Variants in MTM1 observed in about 807,000 individuals in gnomAD.
The protein encoded by MTM1 is myotubularin.
In MTM1, 9 loss-of-function variants were observed where a neutral mutation model predicts 52.1. That is an observed-to-expected ratio of 0.17 (90% CI 0.10 to 0.30). The LOEUF (loss-of-function observed/expected upper bound fraction) is 0.30, where lower values mean the gene tolerates loss of function less well. Among genes scored for constraint, MTM1 ranks in the 10% least tolerant of loss-of-function variants. MTM1 has a pLI of 1.00. For missense variants in MTM1, 277 were observed against 470.7 expected (o/e 0.59, Z 3.81); for synonymous variants, 136 against 163.8 (o/e 0.83, Z 1.29).
Position 150,657,916 on chromosome X carries a change from T to C in MTM1, c.1149T>C (p.Ala383=), listed in dbSNP as rs1036379651. Residue 383 remains alanine, a synonymous_variant, in exon 11 of 15, where the codon GCT becomes GCC. Transcript: ENST00000370396. Reference sequence around the variant, plus strand: ...GCAGTGACGGATGGGACAGGACTGCTCAGCTGACATCCTTGGCCATGCTGA... The same window carrying C: ...GCAGTGACGGATGGGACAGGACTGCCCAGCTGACATCCTTGGCCATGCTGA... ...VHCSDGWDRT[A]QLTSLAMLML... 1.7e-6 allele frequency: 2 copies of C among 1,209,286 alleles called. No homozygotes were observed. The highest frequency in any genetic ancestry group is 2.2e-6 in the Non-Finnish European group (2 of 894,618).
chrX:150,615,738 T>C (rs1178490743), intron 5 of MTM1, among the ~76,000 whole-genome samples: 4 of 112,249 alleles, frequency 3.6e-5, no homozygotes, highest in Non-Finnish European at 7.5e-5. Flanking sequence ...CAATATGGTG[T>C]TTTTCTTTCC....
chrX:150,641,228 G>T (rs1366822733), intron 7 of MTM1, 41 bp from the exon 8 acceptor site: 3 of 1,203,933 alleles, frequency 2.5e-6, no homozygotes, highest in African/African-American at 3.5e-5. Context: ...CCAGAGATGA[G>T]GTCAAGCAAT....
At chrX:150,626,326 T>C (rs782808930) in intron 6 of MTM1, among the ~76,000 whole-genome samples, 2 of 112,013 alleles carry the variant, frequency 1.8e-5, no homozygotes, top group East Asian at 5.6e-4. Flanking sequence ...GTTGTTTTTG[T>C]TTTTTGAGAC....
chrX:150,631,600 T>C (rs1170785871), intron 6 of MTM1, among the ~76,000 whole-genome samples: 1 of 103,139 alleles, frequency 9.7e-6, no homozygotes, highest in Admixed American at 1.1e-4. Flanking sequence ...GAGGCAGAAT[T>C]TGTAGTGAGC....
intron 2 of MTM1, 113 bp downstream of exon 2, chrX:150,592,790 A>G (rs1346158878): frequency 3.8e-6 from 2 of 524,697 alleles, no homozygotes; most frequent in Admixed American, 2.7e-5. Context: ...ATTCATTCAC[A>G]TATAAATACA....
Position 150,658,408 on chromosome X carries a change from AG to A in MTM1, c.1260+382del, listed in dbSNP as rs1389286055. Among the ~76,000 whole-genome samples the A allele has an allele frequency of 2.7e-5, 3 of 111,740 alleles. No homozygotes were observed. In the East Asian group the frequency reaches 8.4e-4, roughly 31 times the overall value. ...TTTAAAAATCATCGAGAGATGAATA[AG>A]TTCAAAAGAGCTATTGTATAACATG... On this transcript the variant is annotated intron_variant, in intron 11 of 14. Coordinates refer to ENST00000370396, the MANE Select transcript of MTM1 (RefSeq NM_000252.3).
intron 3 of MTM1, 95 bp from the exon 4 acceptor site, chrX:150,598,497 T>C: frequency 1.9e-6 from 1 of 539,813 alleles, no homozygotes; most frequent in Non-Finnish European, 3.2e-6. Context: ...ATTGTAGTTA[T>C]TCTTAGCTGA....
At chrX:150,596,433 T>C in intron 2 of MTM1, 65 bp from the exon 3 acceptor site, 1 of 851,397 alleles carries the variant, frequency 1.2e-6, no homozygotes, top group Admixed American at 2.3e-5. Context: ...CTTGTATTCC[T>C]AGTTGCTTAA....
chrX:150,661,391 A>G (rs1415940120), intron 13 of MTM1, among the ~76,000 whole-genome samples: 1 of 111,740 alleles, frequency 8.9e-6, no homozygotes, highest in African/African-American at 3.3e-5. Context: ...GGTTCCCCCA[A>G]AAGTAAAAAT....
intron 5 of MTM1, 142 bp from the exon 6 acceptor site, chrX:150,618,896 A>G: frequency 1.9e-6 from 1 of 524,325 alleles, no homozygotes; most frequent in Non-Finnish European, 3.4e-6. Context: ...TTACCATATA[A>G]AACAAAGCAA....
intron 1 of MTM1, among the ~76,000 whole-genome samples, chrX:150,585,527 C>G (rs1387371786): frequency 8.9e-6 from 1 of 112,575 alleles, no homozygotes; most frequent in Non-Finnish European, 1.9e-5. Context: ...AAATAAGTTA[C>G]TGTTTACTTA....
intron 5 of MTM1, among the ~76,000 whole-genome samples, chrX:150,615,429 A>T (rs782466061): frequency 9.1e-6 from 1 of 109,729 alleles, no homozygotes; most frequent in African/African-American, 3.3e-5. Flanking sequence ...GGGCCACATC[A>T]GATTTCTGTT....
chrX:150,656,544 C>T (rs1557414420), intron 10 of MTM1, among the ~76,000 whole-genome samples: 1 of 112,035 alleles, frequency 8.9e-6, no homozygotes, highest in African/African-American at 3.2e-5. Context: ...TTTATGACAG[C>T]CCTAGCACAC....
At chrX:150,659,030 T>G (rs781968650) in intron 11 of MTM1, among the ~76,000 whole-genome samples, 1 of 111,650 alleles carries the variant, frequency 9.0e-6, no homozygotes, top group Admixed American at 9.5e-5. Context: ...ATTTTTTGTA[T>G]TTTTAGTAGA....
At chrX:150,659,215 T>C (rs2040179118) in intron 11 of MTM1, among the ~76,000 whole-genome samples, 1 of 112,367 alleles carries the variant, frequency 8.9e-6, no homozygotes, top group South Asian at 3.6e-4. Flanking sequence ...TGTCTTGTTT[T>C]TAAGAGAGAA....
intron 14 of MTM1, among the ~76,000 whole-genome samples, chrX:150,666,852 C>G (rs1557414958): frequency 9.0e-6 from 1 of 111,450 alleles, no homozygotes. Context: ...ATCCTTGACA[C>G]CTTTCTCTCC....
At chrX:150,629,477 T>C (rs887326927) in intron 6 of MTM1, among the ~76,000 whole-genome samples, 35 of 111,122 alleles carry the variant, frequency 3.1e-4, no homozygotes, top group Non-Finnish European at 4.9e-4. Context: ...CCTCCTCATC[T>C]CTCTCCTTTG....
chrX:150,617,914 G>A (rs1282324006), intron 5 of MTM1, among the ~76,000 whole-genome samples: 2 of 111,608 alleles, frequency 1.8e-5, no homozygotes, highest in Non-Finnish European at 3.8e-5. Context: ...CTCAGTCACA[G>A]CACTGTAATT....
chrX:150,571,331 G>A (rs1557411454), intron 1 of MTM1, among the ~76,000 whole-genome samples: 1 of 111,779 alleles, frequency 8.9e-6, no homozygotes. Flanking sequence ...TGGGGGATAG[G>A]GACCGTCATT....
Sources: allele counts gnomAD v4.1 joint callset (sites outside exome capture counted in the v4.1 genomes callset), GRCh38; gene constraint gnomAD v4.1.1; transcripts MANE v1.5; gene names NCBI Gene and HGNC (gene_info 2026-07-23, HGNC 2026-07-21).